The following DCC variants were observed in gnomAD, a reference collection of about 807,000 sequenced individuals.
The protein encoded by DCC is netrin receptor DCC.
In DCC, 58 loss-of-function variants were observed where a neutral mutation model predicts 172.5. The ratio of observed to expected loss-of-function variants is 0.34; its 90% CI spans 0.27 to 0.42. The LOEUF (loss-of-function observed/expected upper bound fraction) is 0.42, where lower values mean the gene tolerates loss of function less well. DCC is among the 10% of genes least tolerant of loss of function. DCC has a pLI of 1.00. For missense variants in DCC, 1,740 were observed against 1,791.0 expected (o/e 0.97, Z 0.51); for synonymous variants, 709 against 644.5 (o/e 1.10, Z -1.52).
chr18:52,760,385 C>A (rs62081908), intron 2 of DCC, among the ~76,000 whole-genome samples: 4,255 of 152,182 alleles, frequency 0.028, 86 homozygotes, highest in Middle Eastern at 0.082. Context: ...ATTTGGGTTA[C>A]AATTCAAGAT....
rs191853117 is a variant in DCC at position 52,588,821 on chromosome 18, G to A, written c.92-163233G>A. Among the ~76,000 whole-genome samples the A allele has an allele frequency of 2.5e-3, 378 of 151,886 alleles. 4 individuals carry two copies. The highest frequency in any genetic ancestry group is 0.019 in the South Asian group (93 of 4,806). ...ACTGAGTTTTCATCTTAAAAGCAGTGAGAAGCCATTAAAGAGCTTTATACC... is the reference window on the plus strand; with the variant it reads ...ACTGAGTTTTCATCTTAAAAGCAGTAAGAAGCCATTAAAGAGCTTTATACC... On this transcript the variant is annotated intron_variant, in intron 1 of 28. Coordinates refer to ENST00000442544, the MANE Select transcript of DCC (RefSeq NM_005215.4).
chr18:52,972,923 T>G (rs1358983074), intron 5 of DCC, among the ~76,000 whole-genome samples: 1 of 152,230 alleles, frequency 6.6e-6, no homozygotes, highest in African/African-American at 2.4e-5. Flanking sequence ...GGGGGTGCAC[T>G]GAGCTGTGCA....
chr18:53,239,715 A>T (rs928859188), intron 12 of DCC, among the ~76,000 whole-genome samples: 17 of 152,178 alleles, frequency 1.1e-4, no homozygotes, highest in African/African-American at 3.6e-4. Flanking sequence ...TGATCCCAGG[A>T]ATCAGAGAAT....
intron 11 of DCC, among the ~76,000 whole-genome samples, chr18:53,210,542 GAATT>G (rs967182096): frequency 6.6e-6 from 1 of 151,936 alleles, no homozygotes; most frequent in African/African-American, 2.4e-5. Flanking sequence ...AATATTTATC[GAATT>G]AATTAGACAG....
At chr18:53,435,238 T>A (rs1430788640) in intron 22 of DCC, 29 bp downstream of exon 22, 1 of 1,375,732 alleles carries the variant, frequency 7.3e-7, no homozygotes, top group East Asian at 2.3e-5. Context: ...TAATATTGAA[T>A]TAGTTATATT....
intron 25 of DCC, among the ~76,000 whole-genome samples, chr18:53,485,761 A>T (rs113950894): frequency 5.6e-4 from 85 of 152,150 alleles, no homozygotes; most frequent in Middle Eastern, 3.4e-3. Flanking sequence ...AAAGAAATCT[A>T]TATGTTGCTT....
intron 1 of DCC, among the ~76,000 whole-genome samples, chr18:52,379,489 C>T (rs982333193): frequency 5.3e-5 from 8 of 152,174 alleles, no homozygotes; most frequent in Non-Finnish European, 1.0e-4. Context: ...CAACACTCTC[C>T]TCTCCACTGC....
At chr18:52,783,320 A>G (rs930733334) in intron 2 of DCC, among the ~76,000 whole-genome samples, 206 of 72,210 alleles carry the variant, frequency 2.9e-3, no homozygotes, top group Middle Eastern at 7.9e-3. Context: ...TTATACTACT[A>G]CTCTTTTTTT....
intron 2 of DCC, among the ~76,000 whole-genome samples, chr18:52,766,943 T>A (rs2037261869): frequency 6.6e-6 from 1 of 151,702 alleles, no homozygotes; most frequent in Non-Finnish European, 1.5e-5. Flanking sequence ...AAACAGAAAA[T>A]CAGGGTAGTA....
rs961185379 is a variant in DCC, at chr18:53,330,582, C to T, written c.2164+8425C>T. Among the ~76,000 whole-genome samples the T allele has an allele frequency of 1.2e-4, 19 of 152,216 alleles. 1 individual carries two copies. The highest frequency in any genetic ancestry group is 6.2e-4 in the South Asian group (3 of 4,818). On this transcript the variant is annotated intron_variant, in intron 14 of 28. Transcript: ENST00000442544. ...GTGATTTTTTCAGAACCAGATATGA[C>T]GATGTCAGTTCGCTGCTCAGATTCT...
At chr18:53,306,009 C>G (rs1350493518) in intron 13 of DCC, among the ~76,000 whole-genome samples, 3 of 152,156 alleles carry the variant, frequency 2.0e-5, no homozygotes, top group African/African-American at 7.2e-5. Flanking sequence ...TATCTAAAAA[C>G]TTAACATTTT....
At chr18:52,566,060 AG>A (rs1424661105) in intron 1 of DCC, among the ~76,000 whole-genome samples, 3 of 152,150 alleles carry the variant, frequency 2.0e-5, no homozygotes, top group African/African-American at 7.2e-5. Context: ...GCATATGGCT[AG>A]CCAGTTTTCC....
intron 1 of DCC, among the ~76,000 whole-genome samples, chr18:52,686,598 AT>A (rs2035839794): frequency 6.6e-6 from 1 of 152,120 alleles, no homozygotes; most frequent in African/African-American, 2.4e-5. Context: ...CATCCATAAG[AT>A]TCAGAACCCC....
At chr18:53,224,022 G>T (rs762834610) in intron 12 of DCC, among the ~76,000 whole-genome samples, 5 of 152,122 alleles carry the variant, frequency 3.3e-5, no homozygotes, top group African/African-American at 4.8e-5. Flanking sequence ...TGTGCTTGTT[G>T]CTGGAAAGGC....
In DCC at chr18:52,576,345, T is replaced by A. The variant is rs1157562959; in HGVS notation, c.92-175709T>A. On this transcript the variant is annotated intron_variant, in intron 1 of 28. Coordinates refer to ENST00000442544, the MANE Select transcript of DCC (RefSeq NM_005215.4). Reference sequence around the variant, plus strand: ...CCCTGCTATAATTGACTAGCGGGATTAAGGACAAATGAAGCTGCCTGGACT... The same window carrying A: ...CCCTGCTATAATTGACTAGCGGGATAAAGGACAAATGAAGCTGCCTGGACT... Among the ~76,000 whole-genome samples the A allele has an allele frequency of 2.0e-5, 3 of 152,178 alleles. No homozygotes were observed. The East Asian group carries it at 5.8e-4, about 29-fold the overall frequency.
chr18:52,817,179 T>C (rs939105812), intron 2 of DCC, among the ~76,000 whole-genome samples: 1 of 152,192 alleles, frequency 6.6e-6, no homozygotes, highest in Non-Finnish European at 1.5e-5. Flanking sequence ...TATACATATG[T>C]AAGAATGGAA....
intron 5 of DCC, among the ~76,000 whole-genome samples, chr18:52,970,761 A>G (rs1052241872): frequency 1.3e-5 from 2 of 152,208 alleles, no homozygotes; most frequent in East Asian, 1.9e-4. Flanking sequence ...GGGAGAATTC[A>G]TGATGAATAA....
chr18:52,343,101 G>A (rs556388187), intron 1 of DCC, among the ~76,000 whole-genome samples: 4 of 152,310 alleles, frequency 2.6e-5, no homozygotes, highest in East Asian at 1.9e-4. Context: ...CAAGTGAGTC[G>A]TGATGCAGTT....
At chr18:52,577,569 C>T (rs1327279125) in intron 1 of DCC, among the ~76,000 whole-genome samples, 4 of 152,180 alleles carry the variant, frequency 2.6e-5, no homozygotes, top group African/African-American at 7.2e-5. Flanking sequence ...TTATTCCCTT[C>T]AAATTTCTTT....
Sources: gnomAD v4.1 joint callset for allele counts (sites outside exome capture counted in the v4.1 genomes callset) on GRCh38, gnomAD v4.1.1 for gene constraint, MANE v1.5 for transcripts, NCBI Gene and HGNC (gene_info 2026-07-23, HGNC 2026-07-21) for gene names.